PKP2: variants seen among roughly 807,000 people sequenced by gnomAD.
PKP2 encodes plakophilin 2, also known as plakophilin-2.
In PKP2, 73 loss-of-function variants were observed where a neutral mutation model predicts 83.4. That is an observed-to-expected ratio of 0.88 (90% CI 0.72 to 1.06). PKP2 has a LOEUF of 1.06. PKP2 is among the 50% of genes least tolerant of loss of function. The probability of loss-of-function intolerance (pLI) is 0.00; values close to 1 mark genes in which losing one functional copy is unlikely to be tolerated. For synonymous variants in PKP2, 409 were observed against 430.4 expected (o/e 0.95, Z 0.62); for missense variants, 966 against 1,065.4 (o/e 0.91, Z 1.30).
chr12:32,813,954 T>C (rs1195332403), intron 9 of PKP2, among the ~76,000 whole-genome samples: 4 of 152,172 alleles, frequency 2.6e-5, no homozygotes, highest in Non-Finnish European at 5.9e-5. Context: ...AAATTAAAAT[T>C]TGTCTTTCAT....
intron 10 of PKP2, among the ~76,000 whole-genome samples, chr12:32,796,882 C>T (rs904683194): frequency 5.9e-5 from 9 of 152,042 alleles, no homozygotes; most frequent in South Asian, 2.1e-4. Flanking sequence ...TTCTTCAATT[C>T]GGTAATTCCA....
intron 3 of PKP2, 37 bp from the exon 4 acceptor site, chr12:32,869,099 C>T: frequency 1.2e-6 from 2 of 1,612,122 alleles, no homozygotes; most frequent in South Asian, 1.1e-5. Context: ...AGATTCCAAA[C>T]CTCCCTCCTC....
chr12:32,846,834 CT>C (rs1956650988), intron 5 of PKP2, among the ~76,000 whole-genome samples: 1 of 151,204 alleles, frequency 6.6e-6, no homozygotes, highest in Non-Finnish European at 1.5e-5. Flanking sequence ...AGACAAGCCC[CT>C]TCTCAAAGAC....
In PKP2 at chr12:32,881,337, G is replaced by T. The variant is rs935023447; in HGVS notation, c.224-2305C>A. On this transcript the variant is annotated intron_variant, in intron 1 of 12. Coordinates refer to ENST00000340811, the MANE Select transcript of PKP2 (RefSeq NM_001005242.3). The stretch of plus-strand genomic sequence containing the variant: ...TCCAGGGGCTTGATTTCTCCACAAG[G>T]GCTGGCAAAAGGTCAGGCAGCCACT... 1.4e-4 allele frequency among the ~76,000 whole-genome samples: 21 copies of T among 152,192 alleles called. 1 individual carries two copies. Among genetic ancestry groups the T allele is most frequent in the Admixed American group, 1.1e-3 (17 of 15,270 alleles).
rs1468128165 is a variant in PKP2, at chr12:32,896,737, C to T, written c.-6G>A. ...GGGGCGCCGGGGGCTGCCATGGGGC[C>T]GGTGGGGGCGACCGAGCTGCTCGCC... On this transcript the variant is annotated 5_prime_UTR_variant, in exon 1 of 13. Coordinates refer to ENST00000340811, the MANE Select transcript of PKP2 (RefSeq NM_001005242.3). 3.6e-6 allele frequency: 5 copies of T among 1,402,994 alleles called. No homozygotes were observed. Among genetic ancestry groups the T allele is most frequent in the South Asian group, 1.4e-5 (1 of 71,350 alleles). The allele number at this position is 1,402,994 out of a possible 1,614,324, so 86.9% of individuals were successfully genotyped here. A position where few individuals can be genotyped will look rare whatever the true frequency, so the allele number is the denominator to read the frequency against.
At chr12:32,862,276 A>G (rs1956806103) in intron 4 of PKP2, among the ~76,000 whole-genome samples, 1 of 152,200 alleles carries the variant, frequency 6.6e-6, no homozygotes, top group South Asian at 2.1e-4. Context: ...AGCAAAGATG[A>G]AATTCTTTTT....
Position 32,824,070 on chromosome 12 carries a change from A to G in PKP2, c.1649T>C (p.Ile550Thr). 4.4e-6 allele frequency: 7 copies of G among 1,603,228 alleles called. No homozygotes were observed. The highest frequency in any genetic ancestry group is 1.1e-5 in the South Asian group (1 of 90,856). Residue 550 changes from isoleucine (I) to threonine (T), a missense_variant, in exon 7 of 13, where the codon ATT becomes ACT. Physicochemically the swap from Ile to Thr is moderately conservative, Grantham distance 89. Coordinates refer to ENST00000340811, the MANE Select transcript of PKP2 (RefSeq NM_001005242.3). ...CTTGTCATCTGGCTGGTAATCTGCA[A>G]TGGTTCCTCTGACATAATGGACCAG... is the stretch of plus-strand genomic sequence containing the variant. ...DSLVHYVRGTIADYQPDDKAT... is the reference protein window; with the variant it reads ...DSLVHYVRGTTADYQPDDKAT...
At chr12:32,849,254 C>T (rs1488818722) in intron 5 of PKP2, among the ~76,000 whole-genome samples, 1 of 152,172 alleles carries the variant, frequency 6.6e-6, no homozygotes, top group Non-Finnish European at 1.5e-5. Flanking sequence ...CACTCTGTTG[C>T]CCAGGCTGGA....
At chr12:32,814,003 C>T (rs1416861609) in intron 9 of PKP2, among the ~76,000 whole-genome samples, 1 of 152,170 alleles carries the variant, frequency 6.6e-6, no homozygotes, top group Non-Finnish European at 1.5e-5. Flanking sequence ...TTGCTCTCCT[C>T]TGAGAAGAAT....
chr12:32,834,296 A>C (rs1205140611), intron 6 of PKP2, among the ~76,000 whole-genome samples: 1 of 152,214 alleles, frequency 6.6e-6, no homozygotes, highest in Non-Finnish European at 1.5e-5. Flanking sequence ...GCAGGCCTTC[A>C]ACAAGTACTC....
At chr12:32,867,532 C>A (rs955763699) in intron 4 of PKP2, among the ~76,000 whole-genome samples, 3 of 152,082 alleles carry the variant, frequency 2.0e-5, no homozygotes, top group East Asian at 1.9e-4. Flanking sequence ...GTTAAAAAAT[C>A]AACCAACAAA....
At chr12:32,886,980 C>T (rs1167255133) in intron 1 of PKP2, among the ~76,000 whole-genome samples, 1 of 148,028 alleles carries the variant, frequency 6.8e-6, no homozygotes, top group Non-Finnish European at 1.5e-5. Context: ...GGCTGGGTGA[C>T]AGAAAGCAAG....
chr12:32,827,790 C>G (rs1167573207), intron 6 of PKP2, among the ~76,000 whole-genome samples: 1 of 151,828 alleles, frequency 6.6e-6, no homozygotes, highest in Admixed American at 6.5e-5. Context: ...ATTAAAGTTA[C>G]CAATAGAATA....
intron 1 of PKP2, among the ~76,000 whole-genome samples, chr12:32,889,713 G>A (rs1209157579): frequency 6.6e-6 from 1 of 152,118 alleles, no homozygotes; most frequent in Non-Finnish European, 1.5e-5. Context: ...AGTTTCGACT[G>A]TTCTCTGTCA....
Position 32,877,905 on chromosome 12 carries a change from G to C in PKP2, c.975C>G (p.Ala325=), listed in dbSNP as rs369921166. Residue 325 remains alanine (A), a synonymous_variant, in exon 3 of 13, where the codon GCC becomes GCG. Coordinates refer to ENST00000340811, the MANE Select transcript of PKP2 (RefSeq NM_001005242.3). ...RRAHLTVGQA[A]AGGSGNLLTE... ...TGAGCAGATTCCCACTTCCCCCTGC[G>C]GCCGCCTGGCCGACAGTCAAGTGCG... 1 of 1,614,136 alleles carries C rather than the reference G, an allele frequency of 6.2e-7. No homozygotes were observed. The highest frequency in any genetic ancestry group is 2.2e-5 in the East Asian group (1 of 44,872).
At chr12:32,873,593 G>T (rs1048185776) in intron 3 of PKP2, among the ~76,000 whole-genome samples, 1 of 151,946 alleles carries the variant, frequency 6.6e-6, no homozygotes, top group Admixed American at 6.6e-5. Flanking sequence ...GCAATGGCAC[G>T]ATACCAGCTC....
At chr12:32,814,119 C>G (rs1460105791) in intron 9 of PKP2, among the ~76,000 whole-genome samples, 3 of 152,180 alleles carry the variant, frequency 2.0e-5, no homozygotes, top group African/African-American at 4.8e-5. Context: ...CGCTTCTACA[C>G]TATTCCGTTT....
At chr12:32,829,204 G>A (rs1287443194) in intron 6 of PKP2, among the ~76,000 whole-genome samples, 1 of 151,080 alleles carries the variant, frequency 6.6e-6, no homozygotes, top group Non-Finnish European at 1.5e-5. Context: ...GGGATTACAG[G>A]TGTAAGCCCC....
chr12:32,799,199 AT>A (rs1294146837), intron 10 of PKP2, among the ~76,000 whole-genome samples: 2 of 152,204 alleles, frequency 1.3e-5, no homozygotes, highest in Non-Finnish European at 2.9e-5. Flanking sequence ...AACATCACTA[AT>A]TATCATGGAA....
Sources: gnomAD v4.1 joint callset for allele counts (sites outside exome capture counted in the v4.1 genomes callset) on GRCh38, gnomAD v4.1.1 for gene constraint, MANE v1.5 for transcripts, NCBI Gene and HGNC (gene_info 2026-07-23, HGNC 2026-07-21) for gene names.